The following VASP variants were observed in gnomAD, a reference collection of about 807,000 sequenced individuals.
VASP encodes the protein vasodilator-stimulated phosphoprotein.
VASP carries 27 observed loss-of-function variants against 54.4 expected under a neutral mutation model. That is an observed-to-expected ratio of 0.50 (90% CI 0.37 to 0.68). VASP has a LOEUF of 0.68. Among genes scored for constraint, VASP ranks in the 30% least tolerant of loss-of-function variants. VASP has a pLI of 0.00. For synonymous variants in VASP, 233 were observed against 209.8 expected (o/e 1.11, Z -0.96); for missense variants, 488 against 528.3 (o/e 0.92, Z 0.75).
chr19:45,511,537 G>A (rs913430834), intron 1 of VASP, among the ~76,000 whole-genome samples: 1 of 152,120 alleles, frequency 6.6e-6, no homozygotes, highest in Non-Finnish European at 1.5e-5. Flanking sequence ...AGGGAGGAGT[G>A]GGTCCTGGGC....
chr19:45,517,760 C>A lies in VASP; in HGVS notation c.103C>A (p.Arg35Ser), dbSNP rs762104608. 1 of 1,613,752 alleles carries A rather than the reference C, an allele frequency of 6.2e-7. No individual in the cohort carries two copies. Among genetic ancestry groups the A allele is most frequent in the Non-Finnish European group, 8.5e-7 (1 of 1,180,026 alleles). The change falls in exon 2 of 13, where the codon CGC becomes AGC. Residue 35 changes from arginine (R) to serine (S), a missense_variant. Around this residue, in one of 4 missense-constraint regions of VASP, gnomAD observed 127 missense variants for 170.7 expected, o/e 0.74. Coordinates refer to ENST00000245932, the MANE Select transcript of VASP (RefSeq NM_003370.4). ...PAGTGPQAFSRVQIYHNPTAN... is the reference protein window; with the variant it reads ...PAGTGPQAFSSVQIYHNPTAN... ...TGGCACGGGTCCCCAGGCCTTCAGC[C>A]GCGTCCAGATCTACCACAACCCCAC...
chr19:45,507,854 T>G lies in VASP; in HGVS notation c.5+78T>G. On this transcript the variant is annotated intron_variant, in intron 1 of 12. Transcript: ENST00000245932. This position sits in a 1 kb window ranked among gnomAD's most constrained non-coding sequence, Gnocchi z 4.4. The stretch of plus-strand genomic sequence containing the variant: ...CGCCTTTGTCCCCCTCCCCCCCAGC[T>G]AGCTCCGGGCTGGAATTTGGGGACA... 6 of 838,494 alleles carry G rather than the reference T, an allele frequency of 7.2e-6. No individual in the cohort carries two copies. The highest frequency in any genetic ancestry group is 9.8e-6 in the Non-Finnish European group (6 of 612,592). 51.9% of individuals were successfully genotyped at this position (838,494 alleles called of 1,614,324 possible). A position where few individuals can be genotyped will look rare whatever the true frequency, so the allele number is the denominator to read the frequency against.
chr19:45,518,075 T>C lies in VASP; in HGVS notation c.324T>C (p.Ser108=). 5 of 1,613,602 alleles carry C rather than the reference T, an allele frequency of 3.1e-6. No individual in the cohort carries two copies. The highest frequency in any genetic ancestry group is 4.2e-6 in the Non-Finnish European group (5 of 1,179,964). ...DAAQFAAGMA[S]ALEALEGGGP... is the part of the protein sequence containing the mutation. ...CCCAGTTTGCCGCCGGCATGGCCAGTGCCCTAGAGGCGTTGGAAGGTCAGA... is the reference window on the plus strand; with the variant it reads ...CCCAGTTTGCCGCCGGCATGGCCAGCGCCCTAGAGGCGTTGGAAGGTCAGA... Residue 108 remains serine (S), a synonymous_variant, in exon 3 of 13, where the codon AGT becomes AGC. Coordinates refer to ENST00000245932, the MANE Select transcript of VASP (RefSeq NM_003370.4).
At chr19:45,523,030 C>G (rs950958781) in intron 7 of VASP, among the ~76,000 whole-genome samples, 1 of 152,084 alleles carries the variant, frequency 6.6e-6, no homozygotes, top group African/African-American at 2.4e-5. Context: ...ACCCAGAATT[C>G]TAGAACCGTA....
At position 45,518,042 on chromosome 19, in the gene VASP, G is replaced by T; in HGVS notation, c.291G>T (p.Glu97Asp). ...QVWGLNFGSK[E>D]DAAQFAAGMA... The stretch of plus-strand genomic sequence containing the variant: ...GGGGCCTCAACTTCGGCAGCAAGGA[G>T]GATGCGGCCCAGTTTGCCGCCGGCA... The change falls in exon 3 of 13, where the codon GAG (glutamate) becomes GAT (aspartate). Residue 97 changes from glutamate (E) to aspartate (D), a missense_variant. Physicochemically the swap from Glu to Asp is conservative, Grantham distance 45. Transcript: ENST00000245932. 1 of 1,613,934 alleles carries T rather than the reference G, an allele frequency of 6.2e-7. No individual in the cohort carries two copies. The highest frequency in any genetic ancestry group is 8.5e-7 in the Non-Finnish European group (1 of 1,180,020).
intron 3 of VASP, among the ~76,000 whole-genome samples, chr19:45,519,595 G>GC (rs2122318664): frequency 8.0e-6 from 1 of 124,936 alleles, no homozygotes; most frequent in East Asian, 2.3e-4. Flanking sequence ...CAGCCCAGTT[G>GC]CTTTTTTTTT....
chr19:45,523,190 A>ATTTTTTTTTTT lies in VASP; in HGVS notation c.821+392_821+402dup, dbSNP rs61288703. 1.3e-4 allele frequency among the ~76,000 whole-genome samples: 10 copies of ATTTTTTTTTTT among 74,728 alleles called. 1 individual carries two copies. Among genetic ancestry groups the ATTTTTTTTTTT allele is most frequent in the East Asian group, 4.6e-4 (1 of 2,194 alleles). 49.0% of individuals were successfully genotyped at this position (74,728 alleles called of 152,430 possible). A position where few individuals can be genotyped will look rare whatever the true frequency, so the allele number is the denominator to read the frequency against. ...TGATTCTAGAACCACAATCTCTTGA[A>ATTTTTTTTTTT]TTTTTTTTTTTTTTTTTTTTTTTTT... On this transcript the variant is annotated intron_variant, in intron 7 of 12. Coordinates refer to ENST00000245932, the MANE Select transcript of VASP (RefSeq NM_003370.4).
intron 1 of VASP, among the ~76,000 whole-genome samples, chr19:45,508,080 C>T (rs10406351): frequency 0.013 from 2,045 of 152,078 alleles, 47 homozygotes; most frequent in African/African-American, 0.047. Context: ...GGCAGCGACT[C>T]CCCGCAGGGA....
intron 3 of VASP, among the ~76,000 whole-genome samples, chr19:45,520,115 T>A (rs1182075622): frequency 6.6e-6 from 1 of 151,908 alleles, no homozygotes. Flanking sequence ...TTGGCCAGGC[T>A]GGTCTCGAAC....
At chr19:45,519,306 G>A (rs1968774529) in intron 3 of VASP, among the ~76,000 whole-genome samples, 1 of 151,378 alleles carries the variant, frequency 6.6e-6, no homozygotes, top group Non-Finnish European at 1.5e-5. Flanking sequence ...GAGACACCAT[G>A]CCCGGCCCTT....
intron 3 of VASP, among the ~76,000 whole-genome samples, chr19:45,518,375 CA>C (rs1377009945): frequency 6.6e-6 from 1 of 152,048 alleles, no homozygotes; most frequent in Non-Finnish European, 1.5e-5. Context: ...TCACCGTGCC[CA>C]ACATGGTGAA....
rs566681452 is a variant in VASP at position 45,517,577 on chromosome 19, C to T, written c.6-86C>T. On this transcript the variant is annotated intron_variant, in intron 1 of 12. Transcript: ENST00000245932. ...CCTCTGTGTCACTCTCTTCCTTCCACACACTGTCTTTGTCCCTTGGAATCT... is the reference window on the plus strand; with the variant it reads ...CCTCTGTGTCACTCTCTTCCTTCCATACACTGTCTTTGTCCCTTGGAATCT... The T allele has an allele frequency of 4.6e-6, 7 of 1,520,624 alleles. No homozygotes were observed. In the Admixed American group the frequency reaches 1.1e-4, roughly 24 times the overall value. 94.2% of individuals were successfully genotyped at this position (1,520,624 alleles called of 1,614,324 possible). A position where few individuals can be genotyped will look rare whatever the true frequency, so the allele number is the denominator to read the frequency against.
At position 45,523,674 on chromosome 19, in the gene VASP, C is replaced by G. The variant is rs1968894319; in HGVS notation, c.852C>G (p.Thr284=). Residue 284 remains threonine (T), a synonymous_variant, in exon 8 of 13, where the codon ACC becomes ACG. Coordinates refer to ENST00000245932, the MANE Select transcript of VASP (RefSeq NM_003370.4). ...RRKATQVGEK[T]PKDESANQEE... ...AAGCCACGCAAGTTGGGGAGAAAAC[C>G]CCCAAGGATGAATCTGCCAATGTAA... 1 of 1,614,072 alleles carries G rather than the reference C, an allele frequency of 6.2e-7. No homozygotes were observed. Among genetic ancestry groups the G allele is most frequent in the Non-Finnish European group, 8.5e-7 (1 of 1,180,020 alleles).
At chr19:45,519,689 G>A (rs567059731) in intron 3 of VASP, among the ~76,000 whole-genome samples, 9 of 146,422 alleles carry the variant, frequency 6.1e-5, no homozygotes, top group South Asian at 2.3e-4. Flanking sequence ...TCTGCCTCCC[G>A]GGTAAATGCC....
At chr19:45,510,473 G>A (rs1232521204) in intron 1 of VASP, among the ~76,000 whole-genome samples, 5 of 152,170 alleles carry the variant, frequency 3.3e-5, no homozygotes, top group Admixed American at 2.6e-4. Flanking sequence ...TGATCCACCC[G>A]CCTCGACCTC....
Position 45,516,532 on chromosome 19 carries a change from C to T in VASP, c.6-1131C>T, listed in dbSNP as rs546203716. On this transcript the variant is annotated intron_variant, in intron 1 of 12. Coordinates refer to ENST00000245932, the MANE Select transcript of VASP (RefSeq NM_003370.4). The stretch of plus-strand genomic sequence containing the variant: ...GGCTGGTCCCTAGTGCAGCTCTGGG[C>T]TCTTGGCCTCCTTCTGGCCCCTCTG... Among the ~76,000 whole-genome samples the T allele has an allele frequency of 1.4e-4, 21 of 152,286 alleles. No individual in the cohort carries two copies. In the East Asian group the frequency reaches 4.1e-3, roughly 29 times the overall value.
chr19:45,522,394 C>T lies in VASP; in HGVS notation c.533C>T (p.Pro178Leu), dbSNP rs2031218258. Residue 178 changes from proline to leucine, a missense_variant, in exon 6 of 13, where the codon CCT becomes CTT. By Grantham distance (98) the Pro-to-Leu change is moderately conservative. Around this residue, in one of 4 missense-constraint regions of VASP, gnomAD observed 226 missense variants for 196.0 expected, o/e 1.15. Transcript: ENST00000245932. ...GGPPPPPGPP[P>L]PPGPPPPPGL... is the part of the protein sequence containing the mutation. Reference sequence around the variant, plus strand: ...CCACCCCCACCACCAGGACCTCCCCCTCCTCCAGGTCCCCCCCCACCCCCA... The same window carrying T: ...CCACCCCCACCACCAGGACCTCCCCTTCCTCCAGGTCCCCCCCCACCCCCA... 1.3e-6 allele frequency: 2 copies of T among 1,537,076 alleles called. No individual in the cohort carries two copies. Among genetic ancestry groups the T allele is most frequent in the African/African-American group, 2.7e-5 (2 of 72,970 alleles).
chr19:45,512,004 T>C (rs576041853), intron 1 of VASP, among the ~76,000 whole-genome samples: 1 of 152,188 alleles, frequency 6.6e-6, no homozygotes, highest in Non-Finnish European at 1.5e-5. Flanking sequence ...CTCAGAAGGC[T>C]GAGGCAGGAG....
At chr19:45,520,884 A>C (rs1968816051) in intron 3 of VASP, among the ~76,000 whole-genome samples, 2 of 152,172 alleles carry the variant, frequency 1.3e-5, no homozygotes, top group Admixed American at 6.5e-5. Context: ...GAATCTCTTG[A>C]ACCCGGGAGG....
Sources: allele counts gnomAD v4.1 joint callset (sites outside exome capture counted in the v4.1 genomes callset), GRCh38; gene constraint gnomAD v4.1.1; regional missense constraint gnomAD v4.1.1; non-coding constraint Gnocchi (gnomAD v3.1); transcripts MANE v1.5; gene names NCBI Gene and HGNC (gene_info 2026-07-23, HGNC 2026-07-21).